Variants in MAN2A1 observed in about 807,000 individuals in gnomAD.
MAN2A1 encodes alpha-mannosidase 2.
Under a neutral mutation model 142.6 loss-of-function variants are expected in MAN2A1, and 76 were observed. That is an observed-to-expected ratio of 0.53 (90% CI 0.44 to 0.65). MAN2A1 has a LOEUF of 0.65. MAN2A1 is among the 30% of genes least tolerant of loss of function. The pLI is 0.00. For missense variants in MAN2A1, 1,311 were observed against 1,365.1 expected, an observed-to-expected ratio of 0.96 and a Z score of 0.62; for synonymous variants, 559 against 473.2, an observed-to-expected ratio of 1.18 and a Z score of -2.35.
At chr5:109,729,995 G>A (rs866008934) in intron 4 of MAN2A1, among the ~76,000 whole-genome samples, 56 of 151,970 alleles carry the variant, frequency 3.7e-4, no homozygotes, top group African/African-American at 1.2e-3. Context: ...CTGCCTTGGG[G>A]GAAAAAAATC....
At chr5:109,691,333 C>T (rs1456864478) in intron 1 of MAN2A1, among the ~76,000 whole-genome samples, 1 of 152,182 alleles carries the variant, frequency 6.6e-6, no homozygotes, top group Non-Finnish European at 1.5e-5. Flanking sequence ...AGGGTATCCA[C>T]CGCGCGGCAT....
At chr5:109,772,232 G>A (rs1753166554) in intron 7 of MAN2A1, among the ~76,000 whole-genome samples, 1 of 151,998 alleles carries the variant, frequency 6.6e-6, no homozygotes, top group East Asian at 1.9e-4. Flanking sequence ...CCATTTCTAT[G>A]GCGGCGTGTG....
chr5:109,758,439 G>A (rs1214293015), intron 5 of MAN2A1, among the ~76,000 whole-genome samples: 2 of 151,572 alleles, frequency 1.3e-5, no homozygotes, highest in African/African-American at 2.4e-5. Context: ...TTGTTGGATA[G>A]TGATTTACAA....
rs1190532982 is a variant in MAN2A1, at chr5:109,716,222, C to G, written c.493C>G (p.Pro165Ala). The change falls in exon 3 of 22, where the codon CCC (proline) becomes GCC (alanine). Residue 165 changes from proline to alanine, a missense_variant. This residue lies in a region of MAN2A1 where 409 missense variants were observed against 412.7 expected (regional missense o/e 0.99). Transcript: ENST00000261483. ...TYESNEWDTE[P>A]LQVFVVPHSH... is the part of the protein sequence containing the mutation. ...TGAATCTAATGAATGGGACACTGAA[C>G]CCCTTCAAGTCTTTGTGGTGCCTCA... The G allele has an allele frequency of 1.2e-6, 2 of 1,610,800 alleles. No individual in the cohort carries two copies. The highest frequency in any genetic ancestry group is 1.7e-6 in the Non-Finnish European group (2 of 1,178,118).
intron 6 of MAN2A1, among the ~76,000 whole-genome samples, chr5:109,769,552 T>A (rs1727752127): frequency 6.6e-6 from 1 of 152,212 alleles, no homozygotes; most frequent in African/African-American, 2.4e-5. Flanking sequence ...TTTTAACTAC[T>A]AGGTAGGTCC....
chr5:109,746,572 GTT>G (rs34492008), intron 4 of MAN2A1, among the ~76,000 whole-genome samples: 37 of 126,070 alleles, frequency 2.9e-4, no homozygotes, highest in Admixed American at 9.6e-4. Context: ...CATTGTGCTG[GTT>G]TTTTTTTTTT....
intron 12 of MAN2A1, among the ~76,000 whole-genome samples, chr5:109,814,050 G>A (rs1461826588): frequency 1.3e-5 from 2 of 152,174 alleles, no homozygotes; most frequent in African/African-American, 4.8e-5. Flanking sequence ...GGGGCCCAAT[G>A]TCACAGTGAG....
At chr5:109,730,599 A>G (rs749229775) in intron 4 of MAN2A1, among the ~76,000 whole-genome samples, 19 of 152,202 alleles carry the variant, frequency 1.2e-4, no homozygotes, top group Admixed American at 7.9e-4. Context: ...TCTGATCTCC[A>G]TGTATCCCCT....
In MAN2A1 at chr5:109,862,902, A is replaced by G. The variant is rs541740559; in HGVS notation, c.3172-2134A>G. The G allele has an allele frequency of 8.5e-5, 13 of 152,286 alleles. No individual in the cohort carries two copies. The East Asian group carries it at 2.5e-3, about 29-fold the overall frequency. 9.4% of individuals were successfully genotyped at this position (152,286 alleles called of 1,614,324 possible). A position where few individuals can be genotyped will look rare whatever the true frequency, so the allele number is the denominator to read the frequency against. On this transcript the variant is annotated intron_variant, in intron 20 of 21. Transcript: ENST00000261483. ...AAGTATAACTTTTTCTATCAGTGAA[A>G]GTTAATTTTTATGACTTTTATCTCT...
intron 8 of MAN2A1, among the ~76,000 whole-genome samples, chr5:109,780,224 AT>A (rs531130473): frequency 6.6e-6 from 1 of 150,690 alleles, no homozygotes; most frequent in Non-Finnish European, 1.5e-5. Context: ...CACCCAGCTA[AT>A]TTTTTTTTGT....
At chr5:109,786,833 C>T (rs958441794) in intron 10 of MAN2A1, among the ~76,000 whole-genome samples, 3 of 151,820 alleles carry the variant, frequency 2.0e-5, no homozygotes, top group African/African-American at 7.3e-5. Context: ...TAATAGCAAC[C>T]AGAAACAGAA....
At chr5:109,713,478 T>C (rs1484071097) in intron 1 of MAN2A1, 42 bp from the exon 2 acceptor site, 1 of 1,536,930 alleles carries the variant, frequency 6.5e-7, no homozygotes, top group Non-Finnish European at 8.8e-7. Flanking sequence ...AGCAGATCTA[T>C]ATTAGTATTT....
intron 12 of MAN2A1, among the ~76,000 whole-genome samples, chr5:109,804,661 G>A (rs1002640822): frequency 1.3e-5 from 2 of 152,028 alleles, no homozygotes; most frequent in African/African-American, 4.8e-5. Context: ...AAAGTGGTTT[G>A]TGTTTTATTG....
chr5:109,755,463 A>T lies in MAN2A1; in HGVS notation c.835+7A>T. 2 of 1,608,088 alleles carry T rather than the reference A, an allele frequency of 1.2e-6. No homozygotes were observed. The highest frequency in any genetic ancestry group is 1.7e-6 in the Non-Finnish European group (2 of 1,175,872). On this transcript the variant is annotated splice_region_variant and intron_variant, in intron 5 of 21. Transcript: ENST00000261483. ...TGGCTGGAAAATAATATAGGTATGT[A>T]TTGGTATATTCTTTATTTGGGCTAT...
intron 19 of MAN2A1, among the ~76,000 whole-genome samples, chr5:109,850,111 C>T (rs1474928625): frequency 6.6e-6 from 1 of 152,182 alleles, no homozygotes; most frequent in Non-Finnish European, 1.5e-5. Context: ...TTATTTGATC[C>T]TGTCTTCTCC....
chr5:109,725,107 G>T (rs557597109), intron 3 of MAN2A1, among the ~76,000 whole-genome samples: 34 of 152,182 alleles, frequency 2.2e-4, no homozygotes, highest in African/African-American at 7.9e-4. Flanking sequence ...TGCAGGAACT[G>T]GGGCAAAGTA....
chr5:109,796,428 CTTCTACT>C (rs1220681669), intron 12 of MAN2A1, among the ~76,000 whole-genome samples: 1 of 152,174 alleles, frequency 6.6e-6, no homozygotes, highest in Admixed American at 6.5e-5. Context: ...TCATAATGAT[CTTCTACT>C]TTAACTTTTA....
chr5:109,852,974 ATT>A (rs1290003780), intron 19 of MAN2A1, among the ~76,000 whole-genome samples: 1 of 152,052 alleles, frequency 6.6e-6, no homozygotes, highest in Non-Finnish European at 1.5e-5. Flanking sequence ...CAGCAGTGTT[ATT>A]TTTTCATGGT....
At position 109,817,434 on chromosome 5, in the gene MAN2A1, A is replaced by G. The variant is rs922323168; in HGVS notation, c.2105A>G (p.Tyr702Cys). 4 of 1,613,786 alleles carry G rather than the reference A, an allele frequency of 2.5e-6. No individual in the cohort carries two copies. The highest frequency in any genetic ancestry group is 1.1e-5 in the South Asian group (1 of 91,070). Reference sequence around the variant, plus strand: ...GCAAATACTATTTCAGAAACAGCCTATGAGGTATGTTGTAGCCATAGAACT... The same window carrying G: ...GCAAATACTATTTCAGAAACAGCCTGTGAGGTATGTTGTAGCCATAGAACT... ...DTANTISETAYEISFRAHIPP... is the reference protein window; with the variant it reads ...DTANTISETACEISFRAHIPP... The change falls in exon 13 of 22, where the codon TAT (tyrosine) becomes TGT (cysteine). Residue 702 changes from tyrosine (Y) to cysteine (C), a missense_variant. Coordinates refer to ENST00000261483, the MANE Select transcript of MAN2A1 (RefSeq NM_002372.4).
Sources: gnomAD v4.1 joint callset for allele counts (sites outside exome capture counted in the v4.1 genomes callset) on GRCh38, gnomAD v4.1.1 for gene constraint, gnomAD v4.1.1 regional missense constraint, MANE v1.5 for transcripts, NCBI Gene and HGNC (gene_info 2026-07-23, HGNC 2026-07-21) for gene names.